CLSTN2: variants seen among roughly 807,000 people sequenced by gnomAD.
CLSTN2 encodes calsyntenin 2.
In CLSTN2, 48 loss-of-function variants were observed where a neutral mutation model predicts 101.2. That is an observed-to-expected ratio of 0.47 (90% CI 0.38 to 0.60). The LOEUF (loss-of-function observed/expected upper bound fraction) is 0.60, where lower values mean the gene tolerates loss of function less well. CLSTN2 is among the 20% of genes least tolerant of loss of function. CLSTN2 has a pLI of 0.00. For missense variants in CLSTN2, 1,160 were observed against 1,238.2 expected, an observed-to-expected ratio of 0.94 and a Z score of 0.95; for synonymous variants, 481 against 463.6, an observed-to-expected ratio of 1.04 and a Z score of -0.48.
At chr3:140,177,358 A>T (rs1479923158) in intron 2 of CLSTN2, among the ~76,000 whole-genome samples, 1 of 152,138 alleles carries the variant, frequency 6.6e-6, no homozygotes, top group Non-Finnish European at 1.5e-5. Context: ...GTCTAGGAAG[A>T]CTCTAACACA....
intron 2 of CLSTN2, among the ~76,000 whole-genome samples, chr3:140,219,902 G>A (rs1323948386): frequency 2.0e-5 from 3 of 152,058 alleles, no homozygotes; most frequent in Admixed American, 6.5e-5. Context: ...TCTCTTTTCT[G>A]TACTGTTTGA....
chr3:140,430,713 T>A (rs975902649), intron 5 of CLSTN2, among the ~76,000 whole-genome samples: 6 of 152,044 alleles, frequency 3.9e-5, no homozygotes, highest in Non-Finnish European at 4.4e-5. Flanking sequence ...GAATGGGAGA[T>A]CAAATGGACA....
At chr3:140,273,599 C>T (rs956886524) in intron 2 of CLSTN2, among the ~76,000 whole-genome samples, 3 of 152,062 alleles carry the variant, frequency 2.0e-5, no homozygotes, top group Non-Finnish European at 4.4e-5. Context: ...TTAAGTGAAC[C>T]ACCGTGTCAG....
chr3:140,078,134 G>A (rs1354863903), intron 1 of CLSTN2, among the ~76,000 whole-genome samples: 2 of 152,124 alleles, frequency 1.3e-5, no homozygotes, highest in African/African-American at 2.4e-5. Context: ...TTTATCCTGT[G>A]GACTCACAGG....
chr3:140,404,865 T>G, intron 4 of CLSTN2, 99 bp downstream of exon 4: 1 of 975,790 alleles, frequency 1.0e-6, no homozygotes, highest in South Asian at 1.4e-5. Context: ...TGGCAAGTTA[T>G]GCCTTTCTTG....
intron 2 of CLSTN2, among the ~76,000 whole-genome samples, chr3:140,390,671 T>C (rs965215278): frequency 1.3e-5 from 2 of 152,246 alleles, no homozygotes; most frequent in Non-Finnish European, 2.9e-5. Context: ...CCTTATTCTT[T>C]ATGATTGTGG....
intron 8 of CLSTN2, among the ~76,000 whole-genome samples, chr3:140,478,846 A>G (rs1225277929): frequency 7.0e-6 from 1 of 142,810 alleles, no homozygotes; most frequent in Admixed American, 7.3e-5. Flanking sequence ...GGGAGAGAGG[A>G]AGAAAGGAAG....
intron 1 of CLSTN2, among the ~76,000 whole-genome samples, chr3:140,140,496 G>A (rs1450576028): frequency 6.6e-6 from 1 of 152,248 alleles, no homozygotes; most frequent in African/African-American, 2.4e-5. Context: ...ACAAGGGGAA[G>A]GCACGAACCC....
chr3:140,442,921 A>G (rs1932992904), intron 5 of CLSTN2, among the ~76,000 whole-genome samples: 1 of 152,218 alleles, frequency 6.6e-6, no homozygotes, highest in Admixed American at 6.5e-5. Context: ...ACTGCTGAGC[A>G]AAGGTACCCT....
chr3:139,951,681 GA>G (rs1560051924), intron 1 of CLSTN2, among the ~76,000 whole-genome samples: 1 of 152,134 alleles, frequency 6.6e-6, no homozygotes, highest in Non-Finnish European at 1.5e-5. Flanking sequence ...TAACAAAAAA[GA>G]AATGAAAAGC....
At chr3:140,146,469 A>T (rs771229067) in intron 1 of CLSTN2, among the ~76,000 whole-genome samples, 2 of 152,266 alleles carry the variant, frequency 1.3e-5, no homozygotes, top group East Asian at 3.8e-4. Context: ...TTTGTGGAGG[A>T]GTCTGTACTG....
chr3:139,991,032 A>G (rs1474997543), intron 1 of CLSTN2, among the ~76,000 whole-genome samples: 1 of 152,238 alleles, frequency 6.6e-6, no homozygotes, highest in African/African-American at 2.4e-5. Flanking sequence ...AGTAAATAAT[A>G]GTACAGGTGG....
intron 2 of CLSTN2, among the ~76,000 whole-genome samples, chr3:140,308,349 C>T (rs1366693626): frequency 1.3e-5 from 2 of 152,148 alleles, no homozygotes; most frequent in Non-Finnish European, 2.9e-5. Context: ...GGCATCAGTT[C>T]AGAAGGTGGC....
intron 1 of CLSTN2, among the ~76,000 whole-genome samples, chr3:140,089,271 C>T (rs1189338691): frequency 6.6e-6 from 1 of 152,146 alleles, no homozygotes; most frequent in Non-Finnish European, 1.5e-5. Context: ...TGAAATCAAG[C>T]TTAATTCTTC....
chr3:140,118,511 GT>G (rs1211878903), intron 1 of CLSTN2, among the ~76,000 whole-genome samples: 2 of 152,114 alleles, frequency 1.3e-5, no homozygotes, highest in African/African-American at 4.8e-5. Flanking sequence ...AACAAAAAGA[GT>G]TTTCTTTCAC....
chr3:140,320,004 C>T (rs569059442), intron 2 of CLSTN2, among the ~76,000 whole-genome samples: 4 of 152,342 alleles, frequency 2.6e-5, no homozygotes, highest in Non-Finnish European at 4.4e-5. Context: ...CCTAAACAAA[C>T]GTCCTTGTCA....
rs1936075097 is a variant in CLSTN2, at chr3:139,989,005, G to A, written c.109+53522G>A. The stretch of plus-strand genomic sequence containing the variant: ...CCATACTCCCTCCTCAGCAAGGGCA[G>A]GGAAAGCCCGCTAACCTGAGACAGC... On this transcript the variant is annotated intron_variant, in intron 1 of 16. Transcript: ENST00000458420. Among the ~76,000 whole-genome samples the A allele has an allele frequency of 2.0e-5, 3 of 152,292 alleles. No homozygotes were observed. In the South Asian group the frequency reaches 6.2e-4, roughly 32 times the overall value.
intron 8 of CLSTN2, among the ~76,000 whole-genome samples, chr3:140,474,812 C>T (rs973848629): frequency 2.0e-5 from 3 of 152,198 alleles, no homozygotes; most frequent in South Asian, 2.1e-4. Flanking sequence ...TGGGCTCCGG[C>T]GAGCCCAGTC....
chr3:140,241,880 T>TACACATATATATACACATATATAC (rs1559816793), intron 2 of CLSTN2, among the ~76,000 whole-genome samples: 1 of 140,074 alleles, frequency 7.1e-6, no homozygotes, highest in Non-Finnish European at 1.5e-5. Flanking sequence ...CATATATATA[T>TACACATATATATACACATATATAC]ACACACACAC....
Sources: allele counts gnomAD v4.1 joint callset (sites outside exome capture counted in the v4.1 genomes callset), GRCh38; gene constraint gnomAD v4.1.1; transcripts MANE v1.5; gene names NCBI Gene and HGNC (gene_info 2026-07-23, HGNC 2026-07-21).